LRCH2: variants seen among roughly 807,000 people sequenced by gnomAD.
LRCH2 encodes leucine-rich repeat and calponin homology domain-containing protein 2.
In LRCH2, 38 loss-of-function variants were observed where a neutral mutation model predicts 68.9. The ratio of observed to expected loss-of-function variants is 0.55; its 90% CI spans 0.43 to 0.72. LRCH2 has a LOEUF of 0.72. Ranked by LOEUF, LRCH2 falls within the 30% of genes least tolerant of loss-of-function variation. LRCH2 has a pLI of 0.00. For missense variants in LRCH2, 528 were observed against 572.9 expected (o/e 0.92, Z 0.80); for synonymous variants, 191 against 208.1 (o/e 0.92, Z 0.71).
At chrX:115,135,440 C>A (rs139875192) in intron 14 of LRCH2, among the ~76,000 whole-genome samples, 1 of 110,892 alleles carries the variant, frequency 9.0e-6, no homozygotes, top group East Asian at 2.9e-4. Flanking sequence ...AGAAGTAGAG[C>A]TTAAAGTTGT....
intron 15 of LRCH2, among the ~76,000 whole-genome samples, chrX:115,128,517 GTCTC>G (rs781885866): frequency 1.2e-4 from 13 of 112,179 alleles, no homozygotes; most frequent in African/African-American, 3.2e-4. Flanking sequence ...TGTAAATGTG[GTCTC>G]TCTCTAAGTG....
At chrX:115,147,520 T>C (rs950419210) in intron 14 of LRCH2, among the ~76,000 whole-genome samples, 2 of 111,609 alleles carry the variant, frequency 1.8e-5, no homozygotes, top group Admixed American at 1.9e-4. Flanking sequence ...TAACATTTGT[T>C]GAATGATGAT....
intron 1 of LRCH2, among the ~76,000 whole-genome samples, chrX:115,213,810 C>T (rs2073023844): frequency 8.9e-6 from 1 of 111,889 alleles, no homozygotes; most frequent in African/African-American, 3.2e-5. Flanking sequence ...GAATCTACTA[C>T]TACCTATTAA....
At chrX:115,177,825 G>A (rs185226949) in intron 5 of LRCH2, among the ~76,000 whole-genome samples, 709 of 104,376 alleles carry the variant, frequency 6.8e-3, no homozygotes, top group Non-Finnish European at 0.012. Flanking sequence ...CCCAGTTTGT[G>A]ACATTCCCCT....
At chrX:115,185,587 A>G (rs966218104) in intron 2 of LRCH2, among the ~76,000 whole-genome samples, 1 of 106,739 alleles carries the variant, frequency 9.4e-6, no homozygotes, top group Non-Finnish European at 1.9e-5. Context: ...ATTTCGTGTA[A>G]CATACACAGC....
intron 10 of LRCH2, 77 bp from the exon 11 acceptor site, chrX:115,163,860 C>T: frequency 1.3e-6 from 1 of 745,610 alleles, no homozygotes; most frequent in Non-Finnish European, 1.9e-6. Context: ...AAATAGAAAC[C>T]ATTTTTGTTT....
chrX:115,193,362 T>TTCTA (rs1556562014), intron 1 of LRCH2, among the ~76,000 whole-genome samples: 2 of 111,737 alleles, frequency 1.8e-5, no homozygotes, highest in Admixed American at 1.9e-4. Flanking sequence ...CTCAGGCACC[T>TTCTA]CAAATTCTAC....
chrX:115,190,747 G>C lies in LRCH2; in HGVS notation c.350-2377C>G, dbSNP rs782782096. On this transcript the variant is annotated intron_variant, in intron 1 of 20. Transcript: ENST00000317135. ...AGGCCGCTCACACGAGGCCCGCAGC[G>C]GGGGCCGCTCCACTGATGCCCACAG... 5.2e-6 allele frequency: 6 copies of C among 1,143,155 alleles called. No individual in the cohort carries two copies. In the African/African-American group the frequency reaches 9.5e-5, roughly 18 times the overall value. 94.2% of individuals were successfully genotyped at this position (1,143,155 alleles called of 1,213,427 possible).
At chrX:115,140,238 T>C (rs1300394842) in intron 14 of LRCH2, among the ~76,000 whole-genome samples, 5 of 111,055 alleles carry the variant, frequency 4.5e-5, no homozygotes, top group African/African-American at 1.6e-4. Context: ...CTGGATGACA[T>C]TACTAGACAT....
chrX:115,157,711 T>C (rs781939931), intron 11 of LRCH2, among the ~76,000 whole-genome samples: 3 of 109,939 alleles, frequency 2.7e-5, no homozygotes, highest in African/African-American at 9.9e-5. Flanking sequence ...ATTAAGGTAA[T>C]GAAATATCTA....
In LRCH2 at chrX:115,206,614, T is replaced by C. The variant is rs370589984; in HGVS notation, c.350-18244A>G. Among the ~76,000 whole-genome samples, 221 of 112,133 alleles carry C rather than the reference T, an allele frequency of 2.0e-3. 1 individual carries two copies. The highest frequency in any genetic ancestry group is 6.1e-3 in the African/African-American group (187 of 30,878). ...GAATACTTTTAGTTAATCTATAATC[T>C]ATAGAAACAATGCTTATCACTGGCT... On this transcript the variant is annotated intron_variant, in intron 1 of 20. Coordinates refer to ENST00000317135, the MANE Select transcript of LRCH2 (RefSeq NM_020871.4).
In LRCH2 at chrX:115,114,659, T is replaced by C. The variant is rs147130345; in HGVS notation, c.2179-1324A>G. On this transcript the variant is annotated intron_variant, in intron 20 of 20. Transcript: ENST00000317135. ...TTACCAATATCATAAATAAGGGAAG[T>C]GACACCACAAGATATTCTACAAATA... Among the ~76,000 whole-genome samples, 344 of 110,872 alleles carry C rather than the reference T, an allele frequency of 3.1e-3. 3 individuals are homozygous for C. The highest frequency in any genetic ancestry group is 0.011 in the African/African-American group (330 of 30,734).
Position 115,233,910 on chromosome X carries a change from C to A in LRCH2, c.132G>T (p.Gly44=). The change falls in exon 1 of 21, where the codon GGG becomes GGT. Residue 44 remains glycine (G), a synonymous_variant. Transcript: ENST00000317135. ...GTACCGGGATGGGGACCACCAGGGT[C>A]CCGCCGCCGCCGCCGCCTCCCCCTC... ...GAGGGGGGGG[G]TLVVPIPVPT... 8.9e-7 allele frequency: 1 copy of A among 1,128,122 alleles called. No homozygotes were observed. The highest frequency in any genetic ancestry group is 1.2e-6 in the Non-Finnish European group (1 of 843,518). 93.0% of individuals were successfully genotyped at this position (1,128,122 alleles called of 1,213,427 possible).
At chrX:115,169,626 T>A (rs186041136) in intron 6 of LRCH2, among the ~76,000 whole-genome samples, 288 of 111,494 alleles carry the variant, frequency 2.6e-3, no homozygotes, top group Non-Finnish European at 3.6e-3. Flanking sequence ...CAATGACAAA[T>A]CTTTAAATAT....
chrX:115,205,190 G>A lies in LRCH2; in HGVS notation c.350-16820C>T, dbSNP rs192636130. Among the ~76,000 whole-genome samples the A allele has an allele frequency of 2.1e-3, 236 of 111,313 alleles. 1 individual carries two copies. Among genetic ancestry groups the A allele is most frequent in the Non-Finnish European group, 2.6e-3 (139 of 53,032 alleles). On this transcript the variant is annotated intron_variant, in intron 1 of 20. Transcript: ENST00000317135. ...AACTCACTATCATGGGAACAACATC[G>A]GGGAAACCACCCTCATGATCCAATC...
intron 5 of LRCH2, among the ~76,000 whole-genome samples, chrX:115,177,893 G>A (rs1314806476): frequency 9.1e-6 from 1 of 110,229 alleles, no homozygotes; most frequent in Non-Finnish European, 1.9e-5. Flanking sequence ...AACATGTGGT[G>A]TTTGGTTTTG....
intron 1 of LRCH2, chrX:115,191,608 C>A (rs5946294): frequency 1.7e-6 from 2 of 1,153,946 alleles, no homozygotes; most frequent in Admixed American, 2.7e-5. Context: ...CAGCGGAGGC[C>A]GCTCGCCTGA....
chrX:115,127,991 T>C (rs1556528658), intron 15 of LRCH2, among the ~76,000 whole-genome samples: 1 of 111,745 alleles, frequency 8.9e-6, no homozygotes, highest in African/African-American at 3.3e-5. Context: ...CCTGATTGCA[T>C]CTGTGTTCTT....
chrX:115,197,179 G>T (rs1358003782), intron 1 of LRCH2, among the ~76,000 whole-genome samples: 1 of 111,844 alleles, frequency 8.9e-6, no homozygotes, highest in African/African-American at 3.3e-5. Context: ...TTAAAAAGAT[G>T]TAACTATGAA....
Sources: gnomAD v4.1 joint callset for allele counts (sites outside exome capture counted in the v4.1 genomes callset) on GRCh38, gnomAD v4.1.1 for gene constraint, MANE v1.5 for transcripts, NCBI Gene and HGNC (gene_info 2026-07-23, HGNC 2026-07-21) for gene names.